AGBL1: variants seen among roughly 807,000 people sequenced by gnomAD.
The protein encoded by AGBL1 is AGBL carboxypeptidase 1, also known as cytosolic carboxypeptidase 4.
Under a neutral mutation model 118.9 loss-of-function variants are expected in AGBL1, and 130 were observed. The observed-to-expected ratio is 1.09, with a 90% CI of 0.95 to 1.26. The LOEUF (loss-of-function observed/expected upper bound fraction) is 1.26. Among genes scored for constraint, AGBL1 ranks in the 50% most tolerant of loss-of-function variants. AGBL1 has a pLI of 0.00. For missense variants in AGBL1, 1,584 were observed against 1,298.1 expected, an observed-to-expected ratio of 1.22 and a Z score of -3.38; for synonymous variants, 555 against 478.9, an observed-to-expected ratio of 1.16 and a Z score of -2.08.
intron 22 of AGBL1, among the ~76,000 whole-genome samples, chr15:86,782,968 C>G (rs912286856): frequency 6.6e-6 from 1 of 152,084 alleles, no homozygotes; most frequent in Non-Finnish European, 1.5e-5. Context: ...TCTTTGGCCA[C>G]TTTTCCTTGT....
chr15:86,752,399 G>T (rs1467261425), intron 22 of AGBL1, among the ~76,000 whole-genome samples: 1 of 152,120 alleles, frequency 6.6e-6, no homozygotes, highest in African/African-American at 2.4e-5. Flanking sequence ...AATCCATCCA[G>T]ATTTTAAAGA....
chr15:86,478,260 G>T (rs1295172687), intron 18 of AGBL1, among the ~76,000 whole-genome samples: 2 of 152,012 alleles, frequency 1.3e-5, no homozygotes, highest in East Asian at 1.9e-4. Flanking sequence ...AGAAATAAAG[G>T]GTATTCAATT....
intron 5 of AGBL1, among the ~76,000 whole-genome samples, chr15:86,178,969 C>A (rs913495266): frequency 1.3e-5 from 2 of 152,184 alleles, no homozygotes; most frequent in Admixed American, 6.5e-5. Flanking sequence ...AAAGGCTTTT[C>A]CCAGACAAAG....
chr15:86,735,590 T>C (rs868136860), intron 22 of AGBL1, among the ~76,000 whole-genome samples: 43 of 137,998 alleles, frequency 3.1e-4, no homozygotes, highest in South Asian at 1.5e-3. Context: ...TCTTTTGATA[T>C]AGAGATACAG....
Position 86,385,017 on chromosome 15 carries a change from G to T in AGBL1, c.2375-12349G>T, listed in dbSNP as rs908218050. On this transcript the variant is annotated intron_variant, in intron 17 of 22. Coordinates refer to ENST00000614907, the MANE Select transcript of AGBL1 (RefSeq NM_001386094.1). ...GCTTTAGTTAGCAAGCTGGCAGAGG[G>T]TCTAGGGCTGCATCTTTCAATCCGG... Among the ~76,000 whole-genome samples the T allele has an allele frequency of 2.0e-5, 3 of 152,218 alleles. No homozygotes were observed. In the South Asian group the frequency reaches 6.2e-4, roughly 32 times the overall value.
chr15:86,449,708 G>T (rs1374211046), intron 18 of AGBL1, among the ~76,000 whole-genome samples: 1 of 152,098 alleles, frequency 6.6e-6, no homozygotes, highest in East Asian at 1.9e-4. Context: ...GCCTTAGCTG[G>T]GACTAGGCAG....
intron 17 of AGBL1, chr15:86,312,429 G>A (rs1363831280): frequency 2.0e-5 from 3 of 152,174 alleles, no homozygotes; most frequent in Non-Finnish European, 2.9e-5. Context: ...TGAGTCACTG[G>A]GCAAATTAAC....
chr15:86,663,950 G>A (rs2085594310), intron 21 of AGBL1, among the ~76,000 whole-genome samples: 2 of 152,104 alleles, frequency 1.3e-5, no homozygotes, highest in South Asian at 4.1e-4. Flanking sequence ...AGAAAAACAT[G>A]GAAATGTAAT....
At chr15:86,792,650 T>C (rs1019687918) in intron 22 of AGBL1, among the ~76,000 whole-genome samples, 1 of 152,108 alleles carries the variant, frequency 6.6e-6, no homozygotes, top group Non-Finnish European at 1.5e-5. Flanking sequence ...TTTTAAAATT[T>C]AACAATATTA....
chr15:86,324,092 C>T (rs78108226), intron 17 of AGBL1, among the ~76,000 whole-genome samples: 16 of 152,142 alleles, frequency 1.1e-4, no homozygotes, highest in Non-Finnish European at 1.9e-4. Flanking sequence ...CATTTATTTG[C>T]TAATTTAAAA....
intron 22 of AGBL1, among the ~76,000 whole-genome samples, chr15:86,767,977 C>G (rs1190766546): frequency 1.3e-5 from 2 of 151,936 alleles, no homozygotes; most frequent in Non-Finnish European, 2.9e-5. Flanking sequence ...TAGAATCAGA[C>G]AGAGCTACAC....
chr15:86,801,310 C>CATCTATATATCT (rs1555451585), intron 22 of AGBL1, among the ~76,000 whole-genome samples: 1 of 147,194 alleles, frequency 6.8e-6, no homozygotes, highest in South Asian at 2.2e-4. Flanking sequence ...TTGATGATTA[C>CATCTATATATCT]ATCTATCTAT....
chr15:86,128,041 C>G (rs866244978), intron 1 of AGBL1, among the ~76,000 whole-genome samples: 2 of 152,114 alleles, frequency 1.3e-5, no homozygotes, highest in African/African-American at 4.8e-5. Flanking sequence ...TAGTGGGTAA[C>G]ATTATCTTAA....
At chr15:86,301,869 G>A (rs962465225) in intron 17 of AGBL1, among the ~76,000 whole-genome samples, 1 of 152,040 alleles carries the variant, frequency 6.6e-6, no homozygotes, top group African/African-American at 2.4e-5. Flanking sequence ...ACACAGCTTT[G>A]CTTTCAAAGA....
intron 1 of AGBL1, among the ~76,000 whole-genome samples, chr15:86,097,863 G>T (rs992743670): frequency 6.6e-6 from 1 of 152,130 alleles, no homozygotes; most frequent in African/African-American, 2.4e-5. Flanking sequence ...TCATATGGTA[G>T]TTCTATTTTT....
At chr15:86,738,407 G>A (rs2077631381) in intron 22 of AGBL1, among the ~76,000 whole-genome samples, 1 of 147,880 alleles carries the variant, frequency 6.8e-6, no homozygotes, top group Non-Finnish European at 1.5e-5. Context: ...AAAAATAAAA[G>A]GCATCCAAAT....
intron 22 of AGBL1, among the ~76,000 whole-genome samples, chr15:86,680,375 CCTT>C (rs2085930710): frequency 6.6e-6 from 1 of 151,738 alleles, no homozygotes; most frequent in South Asian, 2.1e-4. Flanking sequence ...ATGTGAATAT[CCTT>C]CTCTTCCCTT....
intron 22 of AGBL1, among the ~76,000 whole-genome samples, chr15:86,821,452 G>GA (rs2078942779): frequency 1.3e-5 from 2 of 152,062 alleles, no homozygotes; most frequent in African/African-American, 4.8e-5. Context: ...TGGTCTTCGT[G>GA]AAAAAACTGA....
At chr15:86,424,714 C>T (rs1017195693) in intron 18 of AGBL1, among the ~76,000 whole-genome samples, 2 of 152,104 alleles carry the variant, frequency 1.3e-5, no homozygotes, top group Non-Finnish European at 2.9e-5. Flanking sequence ...ACAACCCCAT[C>T]AAAAAGTGGG....
Sources: gnomAD v4.1 joint callset for allele counts (sites outside exome capture counted in the v4.1 genomes callset) on GRCh38, gnomAD v4.1.1 for gene constraint, MANE v1.5 for transcripts, NCBI Gene and HGNC (gene_info 2026-07-23, HGNC 2026-07-21) for gene names.